Variants in OR10A6 observed in about 807,000 individuals in gnomAD.
The protein encoded by OR10A6 is olfactory receptor family 10 subfamily A member 6 (gene/pseudogene).
Under a neutral mutation model 1.5 loss-of-function variants are expected in OR10A6, and 2 were observed. The ratio of observed to expected loss-of-function variants is 1.31; its 90% CI spans 0.54 to 4.13. The LOEUF is 4.13. OR10A6 is among the 30% of genes most tolerant of loss of function. OR10A6 has a pLI of 0.07. For synonymous variants in OR10A6, 169 were observed against 137.3 expected (o/e 1.23, Z -1.61); for missense variants, 492 against 368.6 (o/e 1.33, Z -2.74).
rs58402229 is a variant in OR10A6, at chr11:7,929,966, G to GTATATATATGTGTGTATATATATATA, written c.-1305_-1304insTATATATATATACACACATATATATA. The GTATATATATGTGTGTATATATATATA allele has an allele frequency of 1.3e-3, 74 of 57,190 alleles. 3 individuals are homozygous for GTATATATATGTGTGTATATATATATA. Among genetic ancestry groups the GTATATATATGTGTGTATATATATATA allele is most frequent in the South Asian group, 4.2e-3 (6 of 1,432 alleles). The allele number at this position is 57,190 out of a possible 1,614,324, so 3.5% of individuals were successfully genotyped here. ...TCTAGTAAGGTATGTGTATGTGTAT[G>GTATATATATGTGTGTATATATATATA]TATATATATATATATATATATATAT... On this transcript the variant is annotated 5_prime_UTR_variant, in exon 4 of 4. Coordinates refer to ENST00000641238, the MANE Select transcript of OR10A6 (RefSeq NM_001004461.2).
rs55811645 is a variant in OR10A6, at chr11:7,929,755, T to TATATATATATATATATATATATATAC, written c.-1094_-1093insGTATATATATATATATATATATATAT. On this transcript the variant is annotated 5_prime_UTR_variant, in exon 4 of 4. It removes the in-frame stop codon of an upstream open reading frame in the 5' UTR. Coordinates refer to ENST00000641238, the MANE Select transcript of OR10A6 (RefSeq NM_001004461.2). ...ATATATATATATATATATATATATA[T>TATATATATATATATATATATATATAC]ACACACACATGCACACATATATATA... The TATATATATATATATATATATATATAC allele has an allele frequency of 7.7e-4, 75 of 97,042 alleles. No individual in the cohort carries two copies. Among genetic ancestry groups the TATATATATATATATATATATATATAC allele is most frequent in the Middle Eastern group, 4.9e-3 (1 of 204 alleles). The allele number at this position is 97,042 out of a possible 1,614,324, so 6.0% of individuals were successfully genotyped here.
At chr11:7,931,037 G>A (rs1859523866) in intron 1 of OR10A6, 24 bp from the exon 2 acceptor site, 1 of 152,114 alleles carries the variant, frequency 6.6e-6, no homozygotes, top group Non-Finnish European at 1.5e-5. Flanking sequence ...GAAATTGACT[G>A]GCATCAAACC....
rs766632171 is a variant in OR10A6, at chr11:7,926,177, G to T, written c.*1541C>A. 2.0e-5 allele frequency: 3 copies of T among 152,364 alleles called. No homozygotes were observed. The highest frequency in any genetic ancestry group is 4.4e-5 in the Non-Finnish European group (3 of 68,216). The allele number at this position is 152,364 out of a possible 1,614,324, so 9.4% of individuals were successfully genotyped here. ...AGGTCCTGGACCCAGCCACCATGGTGGGGCTTTCCTGCCTTCCAGTAGGGG... is the reference window on the plus strand; with the variant it reads ...AGGTCCTGGACCCAGCCACCATGGTTGGGCTTTCCTGCCTTCCAGTAGGGG... On this transcript the variant is annotated 3_prime_UTR_variant, in exon 4 of 4. Coordinates refer to ENST00000641238, the MANE Select transcript of OR10A6 (RefSeq NM_001004461.2).
Position 7,929,710 on chromosome 11 carries a change from CTTTCTATGTGT to C in OR10A6, c.-1059_-1049del, listed in dbSNP as rs1237220292. The C allele has an allele frequency of 1.2e-5, 1 of 83,854 alleles. No individual in the cohort carries two copies. The highest frequency in any genetic ancestry group is 2.5e-5 in the Non-Finnish European group (1 of 40,646). The allele number at this position is 83,854 out of a possible 1,614,324, so 5.2% of individuals were successfully genotyped here. On this transcript the variant is annotated 5_prime_UTR_variant, in exon 4 of 4. The change creates a premature stop within an existing upstream ORF in the 5' untranslated region. Coordinates refer to ENST00000641238, the MANE Select transcript of OR10A6 (RefSeq NM_001004461.2). ...GGACTTTCTCTTTCTTTCTCTCTCTCTTTCTATGTGTACATATATATATATATATATATATA... is the reference window on the plus strand; with the variant it reads ...GGACTTTCTCTTTCTTTCTCTCTCTCACATATATATATATATATATATATA...
In OR10A6 at chr11:7,924,980, T is replaced by G. The variant is rs1489724824; in HGVS notation, c.*2738A>C. On this transcript the variant is annotated 3_prime_UTR_variant, in exon 4 of 4. Transcript: ENST00000641238. ...GTCAGAACTGTGTCACAAACCACCC[T>G]TGTTCAAAAGAGAAACTGGGAAATT... 6.6e-6 allele frequency: 1 copy of G among 152,176 alleles called. No homozygotes were observed. The highest frequency in any genetic ancestry group is 1.5e-5 in the Non-Finnish European group (1 of 68,030). 9.4% of individuals were successfully genotyped at this position (152,176 alleles called of 1,614,324 possible).
In OR10A6 at chr11:7,930,165, T is replaced by C. The variant is rs1378510460; in HGVS notation, c.-1503A>G. 1 of 151,490 alleles carries C rather than the reference T, an allele frequency of 6.6e-6. No individual in the cohort carries two copies. Among genetic ancestry groups the C allele is most frequent in the East Asian group, 1.9e-4 (1 of 5,148 alleles). 9.4% of individuals were successfully genotyped at this position (151,490 alleles called of 1,614,324 possible). A position where few individuals can be genotyped will look rare whatever the true frequency, so the allele number is the denominator to read the frequency against. Reference sequence around the variant, plus strand: ...AAACCTAGACTCTATTTTTAAGGAATAGAGTGCCTAAGAGAAGTCAGCACA... The same window carrying C: ...AAACCTAGACTCTATTTTTAAGGAACAGAGTGCCTAAGAGAAGTCAGCACA... On this transcript the variant is annotated 5_prime_UTR_variant, in exon 4 of 4. Coordinates refer to ENST00000641238, the MANE Select transcript of OR10A6 (RefSeq NM_001004461.2).
Position 7,928,836 on chromosome 11 carries a change from G to C in OR10A6, c.-174C>G, listed in dbSNP as rs1859471256. The C allele has an allele frequency of 7.2e-6, 3 of 414,224 alleles. No homozygotes were observed. Among genetic ancestry groups the C allele is most frequent in the African/African-American group, 4.1e-5 (2 of 48,648 alleles). 25.7% of individuals were successfully genotyped at this position (414,224 alleles called of 1,614,324 possible). ...AATTTTAGACAATGACCAAATACTT[G>C]GATTATATTCCAAATATAAAAAATA... On this transcript the variant is annotated 5_prime_UTR_variant, in exon 4 of 4. Transcript: ENST00000641238.
Position 7,929,974 on chromosome 11 carries a change from A to ATGTGTG in OR10A6, c.-1313_-1312insCACACA, listed in dbSNP as rs756230826. On this transcript the variant is annotated 5_prime_UTR_variant, in exon 4 of 4. Coordinates refer to ENST00000641238, the MANE Select transcript of OR10A6 (RefSeq NM_001004461.2). ...GGTATGTGTATGTGTATGTATATAT[A>ATGTGTG]TATATATATATATATATATAAAATC... 2.5e-5 allele frequency: 1 copy of ATGTGTG among 39,432 alleles called. No individual in the cohort carries two copies. The highest frequency in any genetic ancestry group is 5.5e-5 in the Non-Finnish European group (1 of 18,132). The allele number at this position is 39,432 out of a possible 1,614,324, so 2.4% of individuals were successfully genotyped here.
rs572333355 is a variant in OR10A6 at position 7,924,608 on chromosome 11, C to A, written c.*3110G>T. On this transcript the variant is annotated 3_prime_UTR_variant, in exon 4 of 4. Coordinates refer to ENST00000641238, the MANE Select transcript of OR10A6 (RefSeq NM_001004461.2). ...CAATAACAGTCTGGATTGGGTTATG[C>A]TGTAACAGAAAACCTAGCAAATACT... 6 of 148,780 alleles carry A rather than the reference C, an allele frequency of 4.0e-5. No homozygotes were observed. In the East Asian group the frequency reaches 1.2e-3, roughly 29 times the overall value. 9.2% of individuals were successfully genotyped at this position (148,780 alleles called of 1,614,324 possible). A position where few individuals can be genotyped will look rare whatever the true frequency, so the allele number is the denominator to read the frequency against.
In OR10A6 at chr11:7,928,286, A is replaced by C; in HGVS notation, c.377T>G (p.Ile126Ser). The change falls in exon 4 of 4, where the codon ATT becomes AGT. Residue 126 changes from isoleucine to serine, a missense_variant. Transcript: ENST00000641238. Reference sequence around the variant, plus strand: ...CATTTGGTAGTTGAGAGGATGGCAAATTGCAGCAAATCGGTCATAAGCCAT... The same window carrying C: ...CATTTGGTAGTTGAGAGGATGGCAACTTGCAGCAAATCGGTCATAAGCCAT... ...GAMAYDRFAA[I>S]CHPLNYQMIM... is the part of the protein sequence containing the mutation. 6.2e-7 allele frequency: 1 copy of C among 1,613,906 alleles called. No individual in the cohort carries two copies. The highest frequency in any genetic ancestry group is 8.5e-7 in the Non-Finnish European group (1 of 1,179,894).
chr11:7,927,493 T>C lies in OR10A6; in HGVS notation c.*225A>G. The C allele has an allele frequency of 2.3e-6, 1 of 425,994 alleles. No individual in the cohort carries two copies. Among genetic ancestry groups the C allele is most frequent in the Non-Finnish European group, 4.1e-6 (1 of 242,262 alleles). 26.4% of individuals were successfully genotyped at this position (425,994 alleles called of 1,614,324 possible). ...ATCAGTAGGGCTACTACTAAACAAA[T>C]TGTTGAAATTGTGTTATATTCAATA... is the stretch of plus-strand genomic sequence containing the variant. On this transcript the variant is annotated 3_prime_UTR_variant, in exon 4 of 4. Transcript: ENST00000641238.
chr11:7,926,408 C>T lies in OR10A6; in HGVS notation c.*1310G>A, dbSNP rs1859401321. The T allele has an allele frequency of 6.6e-6, 1 of 152,202 alleles. No homozygotes were observed. The highest frequency in any genetic ancestry group is 1.5e-5 in the Non-Finnish European group (1 of 68,040). 9.4% of individuals were successfully genotyped at this position (152,202 alleles called of 1,614,324 possible). On this transcript the variant is annotated 3_prime_UTR_variant, in exon 4 of 4. Transcript: ENST00000641238. ...TGGGCTGTTGCCGGTCAGGGGTCCC[C>T]AGCTTCCAAAGTGACTGAGAAGAAA...
Position 7,926,013 on chromosome 11 carries a change from C to T in OR10A6, c.*1705G>A, listed in dbSNP as rs1488713813. On this transcript the variant is annotated 3_prime_UTR_variant, in exon 4 of 4. Transcript: ENST00000641238. The stretch of plus-strand genomic sequence containing the variant: ...TACTTTCCTCTGATTGTTCCCCGCT[C>T]TTCACCTATTTTACATATACCTACC... 6.6e-6 allele frequency: 1 copy of T among 152,244 alleles called. No individual in the cohort carries two copies. Among genetic ancestry groups the T allele is most frequent in the Admixed American group, 6.5e-5 (1 of 15,278 alleles). 9.4% of individuals were successfully genotyped at this position (152,244 alleles called of 1,614,324 possible).
chr11:7,928,682 C>A lies in OR10A6; in HGVS notation c.-20G>T. The A allele has an allele frequency of 1.3e-6, 2 of 1,552,108 alleles. No individual in the cohort carries two copies. ...TTCCATTTTCAGTAATGAAGTCGTG[C>A]ATTGATTTTATGGACATAGTATATA... On this transcript the variant is annotated 5_prime_UTR_variant, in exon 4 of 4. It removes an upstream start codon present in the reference 5' UTR. Coordinates refer to ENST00000641238, the MANE Select transcript of OR10A6 (RefSeq NM_001004461.2).
rs559396409 is a variant in OR10A6 at position 7,926,049 on chromosome 11, T to C, written c.*1669A>G. 1 of 152,338 alleles carries C rather than the reference T, an allele frequency of 6.6e-6. No homozygotes were observed. The highest frequency in any genetic ancestry group is 1.5e-5 in the Non-Finnish European group (1 of 68,034). 9.4% of individuals were successfully genotyped at this position (152,338 alleles called of 1,614,324 possible). ...TTACATATACCTACCCTTTCCTAATTGGTTTTTCTACACTGTCATGCCCAC... is the reference window on the plus strand; with the variant it reads ...TTACATATACCTACCCTTTCCTAATCGGTTTTTCTACACTGTCATGCCCAC... On this transcript the variant is annotated 3_prime_UTR_variant, in exon 4 of 4. Transcript: ENST00000641238.
rs1175741809 is a variant in OR10A6 at position 7,926,186 on chromosome 11, C to T, written c.*1532G>A. 2 of 152,412 alleles carry T rather than the reference C, an allele frequency of 1.3e-5. No homozygotes were observed. Among genetic ancestry groups the T allele is most frequent in the Admixed American group, 6.5e-5 (1 of 15,286 alleles). The allele number at this position is 152,412 out of a possible 1,614,324, so 9.4% of individuals were successfully genotyped here. ...ACCCAGCCACCATGGTGGGGCTTTC[C>T]TGCCTTCCAGTAGGGGAACCACCCC... On this transcript the variant is annotated 3_prime_UTR_variant, in exon 4 of 4. Transcript: ENST00000641238.
At position 7,929,966 on chromosome 11, in the gene OR10A6, G is replaced by GTATATATATGTGTATATATATA. The variant is rs58402229; in HGVS notation, c.-1305_-1304insTATATATATACACATATATATA. 1,319 of 57,056 alleles carry GTATATATATGTGTATATATATA rather than the reference G, an allele frequency of 0.023. 151 individuals are homozygous for GTATATATATGTGTATATATATA. The highest frequency in any genetic ancestry group is 0.045 in the South Asian group (64 of 1,428). 3.5% of individuals were successfully genotyped at this position (57,056 alleles called of 1,614,324 possible). A position where few individuals can be genotyped will look rare whatever the true frequency, so the allele number is the denominator to read the frequency against. ...TCTAGTAAGGTATGTGTATGTGTATGTATATATATATATATATATATATAT... is the reference window on the plus strand; with the variant it reads ...TCTAGTAAGGTATGTGTATGTGTATGTATATATATGTGTATATATATATATATATATATATATATATATATAT... On this transcript the variant is annotated 5_prime_UTR_variant, in exon 4 of 4. Coordinates refer to ENST00000641238, the MANE Select transcript of OR10A6 (RefSeq NM_001004461.2).
At position 7,929,962 on chromosome 11, in the gene OR10A6, G is replaced by GTATATATATATATATATATATA. The variant is rs1204097102; in HGVS notation, c.-1301_-1300insTATATATATATATATATATATA. 3.3e-3 allele frequency: 82 copies of GTATATATATATATATATATATA among 24,774 alleles called. 6 individuals are homozygous for GTATATATATATATATATATATA. The highest frequency in any genetic ancestry group is 6.5e-3 in the South Asian group (3 of 460). 1.5% of individuals were successfully genotyped at this position (24,774 alleles called of 1,614,324 possible). On this transcript the variant is annotated 5_prime_UTR_variant, in exon 4 of 4. Transcript: ENST00000641238. The stretch of plus-strand genomic sequence containing the variant: ...AAGCTCTAGTAAGGTATGTGTATGT[G>GTATATATATATATATATATATA]TATGTATATATATATATATATATAT...
intron 2 of OR10A6, 21 bp downstream of exon 2, chr11:7,930,966 T>G (rs989576537): frequency 6.6e-6 from 1 of 152,156 alleles, no homozygotes; most frequent in Non-Finnish European, 1.5e-5. Context: ...ATATGATGAT[T>G]TATGCATGCA....
Sources: allele counts gnomAD v4.1 joint callset, GRCh38; gene constraint gnomAD v4.1.1; transcripts MANE v1.5; gene names NCBI Gene and HGNC (gene_info 2026-07-23, HGNC 2026-07-21).